TCERG1L: variants seen among roughly 807,000 people sequenced by gnomAD.
The protein encoded by TCERG1L is transcription elongation regulator 1-like protein.
In TCERG1L, 37 loss-of-function variants were observed where a neutral mutation model predicts 56.3. That is an observed-to-expected ratio of 0.66 (90% confidence interval 0.51 to 0.87). TCERG1L has a LOEUF of 0.87. TCERG1L is among the 40% of genes least tolerant of loss of function. TCERG1L has a pLI of 0.00. For synonymous variants in TCERG1L, 324 were observed against 326.3 expected (o/e 0.99, Z 0.08); for missense variants, 799 against 774.2 (o/e 1.03, Z -0.38).
At chr10:131,262,612 G>A (rs1246749852) in intron 3 of TCERG1L, among the ~76,000 whole-genome samples, 2 of 152,168 alleles carry the variant, frequency 1.3e-5, no homozygotes, top group Non-Finnish European at 2.9e-5. Context: ...GCATCAGCGT[G>A]GTGGGTTTGT....
chr10:131,159,238 T>G (rs563000026), intron 6 of TCERG1L, among the ~76,000 whole-genome samples: 179 of 152,254 alleles, frequency 1.2e-3, no homozygotes, highest in Admixed American at 2.2e-3. Flanking sequence ...GCCAGGGACT[T>G]ACCGAGCACC....
At chr10:131,136,698 G>A (rs1391703977) in intron 7 of TCERG1L, among the ~76,000 whole-genome samples, 1 of 151,870 alleles carries the variant, frequency 6.6e-6, no homozygotes, top group Non-Finnish European at 1.5e-5. Flanking sequence ...GTTTTACCAT[G>A]TTGGCCAGGT....
At chr10:131,205,601 G>A (rs1048089628) in intron 4 of TCERG1L, among the ~76,000 whole-genome samples, 1 of 152,176 alleles carries the variant, frequency 6.6e-6, no homozygotes, top group African/African-American at 2.4e-5. Flanking sequence ...CTGGGGACGT[G>A]GAGGTAAACG....
At chr10:131,296,266 T>C (rs558939301) in intron 3 of TCERG1L, among the ~76,000 whole-genome samples, 110 of 152,372 alleles carry the variant, frequency 7.2e-4, no homozygotes, top group African/African-American at 2.5e-3. Flanking sequence ...ATCAACCATC[T>C]ATTTTGAGTT....
intron 4 of TCERG1L, among the ~76,000 whole-genome samples, chr10:131,230,206 T>G (rs1160804759): frequency 6.6e-6 from 1 of 152,170 alleles, no homozygotes; most frequent in Non-Finnish European, 1.5e-5. Flanking sequence ...ACGCCCTCCT[T>G]GGGTCCTTGT....
At chr10:131,271,597 G>A (rs1846340105) in intron 3 of TCERG1L, among the ~76,000 whole-genome samples, 1 of 152,272 alleles carries the variant, frequency 6.6e-6, no homozygotes, top group African/African-American at 2.4e-5. Flanking sequence ...CAAAGACTAA[G>A]CTGGGAATTA....
chr10:131,253,171 C>T (rs568106020), intron 4 of TCERG1L, among the ~76,000 whole-genome samples: 24 of 152,296 alleles, frequency 1.6e-4, no homozygotes, highest in Admixed American at 3.9e-4. Flanking sequence ...ACCAGGAGCC[C>T]GGCCACCATC....
At position 131,200,052 on chromosome 10, in the gene TCERG1L, T is replaced by G. The variant is rs75176332; in HGVS notation, c.857-33167A>C. ...CTATATCACTACTTTTCCCGACAGC[T>G]CTCCCCTCCTCTGAGCTCTCACCAG... On this transcript the variant is annotated intron_variant, in intron 4 of 11. Transcript: ENST00000368642. 5.4e-3 allele frequency among the ~76,000 whole-genome samples: 819 copies of G among 152,220 alleles called. 5 individuals are homozygous for G. Among genetic ancestry groups the G allele is most frequent in the African/African-American group, 0.018 (768 of 41,528 alleles).
chr10:131,106,392 C>T (rs1414876210), intron 9 of TCERG1L, among the ~76,000 whole-genome samples: 2 of 152,216 alleles, frequency 1.3e-5, no homozygotes, highest in African/African-American at 4.8e-5. Flanking sequence ...TTCCAGAGTG[C>T]TGTGACTTTG....
chr10:131,134,300 C>T, intron 8 of TCERG1L, 79 bp downstream of exon 8: 1 of 1,308,020 alleles, frequency 7.6e-7, no homozygotes, highest in Non-Finnish European at 1.1e-6. Context: ...TCAATGTGGT[C>T]AAAATGATGC....
At chr10:131,142,413 T>C (rs1421374694) in intron 7 of TCERG1L, among the ~76,000 whole-genome samples, 1 of 152,244 alleles carries the variant, frequency 6.6e-6, no homozygotes, top group Non-Finnish European at 1.5e-5. Flanking sequence ...AAGTGACCCA[T>C]TCACCAGTCA....
intron 3 of TCERG1L, among the ~76,000 whole-genome samples, chr10:131,295,992 T>C (rs1429778554): frequency 6.6e-6 from 1 of 152,236 alleles, no homozygotes; most frequent in Non-Finnish European, 1.5e-5. Flanking sequence ...GAAGGTTCTT[T>C]GTATTCTCTG....
intron 4 of TCERG1L, among the ~76,000 whole-genome samples, chr10:131,231,763 T>C (rs1346710307): frequency 3.3e-5 from 5 of 152,072 alleles, no homozygotes; most frequent in African/African-American, 1.2e-4. Flanking sequence ...AAATACGATT[T>C]TACTTCCACT....
chr10:131,203,691 C>T (rs1845480762), intron 4 of TCERG1L, among the ~76,000 whole-genome samples: 1 of 152,162 alleles, frequency 6.6e-6, no homozygotes, highest in Non-Finnish European at 1.5e-5. Flanking sequence ...ATCCAGAGGC[C>T]AGTAGGGGCC....
At chr10:131,247,996 C>CAA (rs950215805) in intron 4 of TCERG1L, among the ~76,000 whole-genome samples, 1 of 129,678 alleles carries the variant, frequency 7.7e-6, no homozygotes, top group Non-Finnish European at 1.7e-5. Flanking sequence ...CTCAGGTGCA[C>CAA]ATACACACAC....
intron 4 of TCERG1L, among the ~76,000 whole-genome samples, chr10:131,239,708 T>C (rs941071136): frequency 1.1e-4 from 17 of 152,208 alleles, no homozygotes; most frequent in African/African-American, 3.9e-4. Flanking sequence ...CACGATAGAT[T>C]GCTTCCGGTG....
intron 4 of TCERG1L, among the ~76,000 whole-genome samples, chr10:131,234,634 A>G (rs1845892706): frequency 1.3e-5 from 2 of 152,158 alleles, no homozygotes; most frequent in African/African-American, 4.8e-5. Context: ...ACCTTGGAAG[A>G]AGTCGTTGAG....
intron 9 of TCERG1L, among the ~76,000 whole-genome samples, chr10:131,109,256 C>G (rs1009315948): frequency 6.6e-6 from 1 of 152,164 alleles, no homozygotes; most frequent in African/African-American, 2.4e-5. Flanking sequence ...AACTTCAGAC[C>G]CTTTCCTGCA....
At chr10:131,126,846 C>A (rs1213081354) in intron 8 of TCERG1L, among the ~76,000 whole-genome samples, 1 of 152,230 alleles carries the variant, frequency 6.6e-6, no homozygotes, top group Non-Finnish European at 1.5e-5. Context: ...TACCAAAGCT[C>A]TCAACCTGAG....
Sources: gnomAD v4.1 joint callset for allele counts (sites outside exome capture counted in the v4.1 genomes callset) on GRCh38, gnomAD v4.1.1 for gene constraint, MANE v1.5 for transcripts, NCBI Gene and HGNC (gene_info 2026-07-23, HGNC 2026-07-21) for gene names.